The following OGG1 variants were observed in gnomAD, a reference collection of about 807,000 sequenced individuals.
OGG1 encodes N-glycosylase/DNA lyase.
Under a neutral mutation model 42.3 loss-of-function variants are expected in OGG1, and 35 were observed. The observed-to-expected ratio is 0.83, with a 90% CI of 0.63 to 1.10. The LOEUF is 1.10. Ranked by LOEUF, OGG1 falls within the 50% of genes least tolerant of loss-of-function variation. The pLI is 0.00. For synonymous variants in OGG1, 189 were observed against 179.0 expected (o/e 1.06, Z -0.44); for missense variants, 484 against 446.7 (o/e 1.08, Z -0.75).
rs766998090 is a variant in OGG1 at position 9,751,920 on chromosome 3, A to G, written c.536A>G (p.His179Arg). 17 of 1,613,960 alleles carry G rather than the reference A, an allele frequency of 1.1e-5. 1 individual carries two copies. The highest frequency in any genetic ancestry group is 6.6e-5 in the South Asian group (6 of 91,076). Residue 179 changes from histidine to arginine, a missense_variant, in exon 3 of 7, where the codon CAT becomes CGT. By Grantham distance (29) the His-to-Arg change is conservative. Coordinates refer to ENST00000344629, the MANE Select transcript of OGG1 (RefSeq NM_002542.6). Reference sequence around the variant, plus strand: ...ATCCAGCTTGATGATGTCACCTACCATGGCTTCCCCAGCCTGCAGGCCCTG... The same window carrying G: ...ATCCAGCTTGATGATGTCACCTACCGTGGCTTCCCCAGCCTGCAGGCCCTG... ...RLIQLDDVTY[H>R]GFPSLQALAG...
chr3:9,774,724 G>A (rs1028031824), intron 2 of OGG1, among the ~76,000 whole-genome samples: 6 of 152,164 alleles, frequency 3.9e-5, no homozygotes, highest in African/African-American at 1.4e-4. Context: ...TTTCAAATTT[G>A]AAGTTTAAAA....
At chr3:9,789,490 C>G, downstream of OGG1, 1 of 1,607,712 alleles carries the variant, frequency 6.2e-7, no homozygotes, top group East Asian at 2.2e-5. Context: ...TCATGTCTAT[C>G]AAGGCCCAGA....
chr3:9,759,945 CTT>C (rs2077770896), downstream of OGG1: 1 of 775,782 alleles, frequency 1.3e-6, no homozygotes, highest in Non-Finnish European at 2.0e-6. Flanking sequence ...TCCTTTCTCT[CTT>C]AAGAAAAACA....
intron 2 of OGG1, among the ~76,000 whole-genome samples, chr3:9,775,742 C>T (rs926104570): frequency 6.6e-6 from 1 of 151,876 alleles, no homozygotes; most frequent in Admixed American, 6.6e-5. Context: ...CAGGTTCAAG[C>T]AATTCTCCTG....
At chr3:9,787,718 T>C in intron 3 of OGG1, 2 of 1,305,776 alleles carry the variant, frequency 1.5e-6, no homozygotes, top group Non-Finnish European at 2.0e-6. Context: ...CTGTATGAAC[T>C]CTTTTTCAGA....
In OGG1 at chr3:9,787,258, G is replaced by A. The variant is rs377247076; in HGVS notation, c.383-470G>A. ...GCCTTTCTTCTTGTCAGCCACAGCCGCTGCCCGGGCCCCATCCTTCTGCTC... is the reference window on the plus strand; with the variant it reads ...GCCTTTCTTCTTGTCAGCCACAGCCACTGCCCGGGCCCCATCCTTCTGCTC... On this transcript the variant is annotated intron_variant, in intron 3 of 3. Transcript: ENST00000426518. The A allele has an allele frequency of 1.1e-5, 18 of 1,614,050 alleles. No individual in the cohort carries two copies. Among genetic ancestry groups the A allele is most frequent in the African/African-American group, 6.7e-5 (5 of 74,916 alleles).
chr3:9,790,207 T>C (rs777797540), downstream of OGG1, among the ~76,000 whole-genome samples: 6 of 152,192 alleles, frequency 3.9e-5, no homozygotes, highest in Non-Finnish European at 7.3e-5. Flanking sequence ...CTGATTCACT[T>C]CTGTATCACC....
At chr3:9,787,198 C>T in intron 3 of OGG1, 1 of 1,614,196 alleles carries the variant, frequency 6.2e-7, no homozygotes, top group Non-Finnish European at 8.5e-7. Flanking sequence ...GAGAGGCCTA[C>T]CTTTAGTGTC....
At chr3:9,760,741 G>T (rs765378672), downstream of OGG1, 1 of 1,613,856 alleles carries the variant, frequency 6.2e-7, no homozygotes, top group Non-Finnish European at 8.5e-7. Context: ...CATCATTCTC[G>T]TCATAGAAGG....
At chr3:9,763,547 C>T (rs1472650872) in intron 7 of OGG1, among the ~76,000 whole-genome samples, 1 of 152,150 alleles carries the variant, frequency 6.6e-6, no homozygotes, top group Non-Finnish European at 1.5e-5. Flanking sequence ...GGTTTATTAC[C>T]ATTTTTTGGA....
At chr3:9,780,249 G>A (rs912427680) in intron 2 of OGG1, 42 of 1,234,122 alleles carry the variant, frequency 3.4e-5, no homozygotes, top group Admixed American at 1.2e-4. Flanking sequence ...AGAGACTGCC[G>A]CCATTTGAGG....
At chr3:9,756,419 C>A in intron 4 of OGG1, 52 bp from the exon 5 acceptor site, 1 of 1,603,882 alleles carries the variant, frequency 6.2e-7, no homozygotes, top group Non-Finnish European at 8.5e-7. Context: ...AAGCAAGATG[C>A]TGGCCACATG....
downstream of OGG1, chr3:9,760,719 C>CA (rs1359806462): frequency 1.9e-6 from 3 of 1,613,920 alleles, no homozygotes; most frequent in African/African-American, 4.0e-5. Flanking sequence ...AAAATCTGTT[C>CA]AAAGAGTTTG....
At chr3:9,752,196 A>G (rs553393448) in intron 3 of OGG1, 6 of 561,088 alleles carry the variant, frequency 1.1e-5, no homozygotes, top group East Asian at 6.1e-5. Context: ...TCTGTATACA[A>G]TGTACAGTAG....
chr3:9,761,957 G>A (rs1575236493), downstream of OGG1: 5 of 674,440 alleles, frequency 7.4e-6, no homozygotes, highest in East Asian at 8.9e-5. Flanking sequence ...GGTGTGGGGG[G>A]GAACTGTCTC....
downstream of OGG1, chr3:9,760,468 C>G: frequency 1.8e-6 from 1 of 567,612 alleles, no homozygotes; most frequent in African/African-American, 1.9e-5. Context: ...GTTTCTCACT[C>G]TGGGAGCCAA....
intron 3 of OGG1, chr3:9,752,155 C>G (rs2077331414): frequency 3.3e-6 from 2 of 605,982 alleles, no homozygotes; most frequent in Admixed American, 5.7e-5. Flanking sequence ...TGCTTTTTGC[C>G]CAATGGGTTC....
At chr3:9,776,380 TTTC>T (rs1254759591) in intron 2 of OGG1, among the ~76,000 whole-genome samples, 1 of 145,610 alleles carries the variant, frequency 6.9e-6, no homozygotes, top group Non-Finnish European at 1.5e-5. Context: ...TTTTTTCTTT[TTTC>T]TTTTCTTTTT....
downstream of OGG1, chr3:9,757,850 G>T: frequency 6.3e-7 from 1 of 1,596,904 alleles, no homozygotes; most frequent in Non-Finnish European, 8.6e-7. The surrounding 1 kb of genome is among the most constrained non-coding windows in gnomAD (Gnocchi z 4.5). Context: ...AGGCTTGCTG[G>T]CATTGAAGGC....
Sources: allele counts gnomAD v4.1 joint callset (sites outside exome capture counted in the v4.1 genomes callset), GRCh38; gene constraint gnomAD v4.1.1; non-coding constraint Gnocchi (gnomAD v3.1); transcripts MANE v1.5; gene names NCBI Gene and HGNC (gene_info 2026-07-23, HGNC 2026-07-21).